The following SLC25A26 variants were observed in gnomAD, a reference collection of about 807,000 sequenced individuals.
SLC25A26 encodes mitochondrial S-adenosylmethionine carrier protein.
In SLC25A26, 36 loss-of-function variants were observed where a neutral mutation model predicts 37.8. The observed-to-expected ratio is 0.95, with a 90% CI of 0.73 to 1.26. SLC25A26 has a LOEUF of 1.26. Among genes scored for constraint, SLC25A26 ranks in the 50% most tolerant of loss-of-function variants. SLC25A26 has a pLI of 0.00. For synonymous variants in SLC25A26, 129 were observed against 122.5 expected (o/e 1.05, Z -0.35); for missense variants, 390 against 331.1 (o/e 1.18, Z -1.38).
chr3:66,285,480 A>G (rs6774128), intron 5 of SLC25A26, among the ~76,000 whole-genome samples: 2,026 of 63,862 alleles, frequency 0.032, 247 homozygotes, highest in African/African-American at 0.14. Context: ...AATACTAGGT[A>G]ATAAATTCTT....
chr3:66,214,135 T>C (rs1385906384), intron 1 of SLC25A26, among the ~76,000 whole-genome samples: 13 of 152,088 alleles, frequency 8.5e-5, no homozygotes, highest in African/African-American at 3.1e-4. Flanking sequence ...GTTTGGGTCA[T>C]GGGGGTGGAT....
intron 1 of SLC25A26, among the ~76,000 whole-genome samples, chr3:66,209,857 T>TAC (rs1190240720): frequency 7.6e-5 from 9 of 118,110 alleles, no homozygotes; most frequent in African/African-American, 1.3e-4. Flanking sequence ...GAGGTGTGTA[T>TAC]ACACACACAT....
At chr3:66,240,708 A>G (rs1273503806) in intron 2 of SLC25A26, among the ~76,000 whole-genome samples, 18 of 150,780 alleles carry the variant, frequency 1.2e-4, no homozygotes, top group Admixed American at 1.2e-3. Context: ...GTATCTAAAT[A>G]TATTTTATGT....
intron 5 of SLC25A26, among the ~76,000 whole-genome samples, chr3:66,299,600 C>G (rs894612882): frequency 2.0e-5 from 3 of 152,176 alleles, no homozygotes; most frequent in Non-Finnish European, 2.9e-5. Flanking sequence ...ATTATTGCTT[C>G]TTTCACTTTT....
intron 6 of SLC25A26, chr3:66,356,177 A>G (rs1467368350): frequency 2.3e-6 from 1 of 437,228 alleles, no homozygotes; most frequent in East Asian, 7.0e-5. Flanking sequence ...TTAAAAGTGA[A>G]AAACAAAGCC....
chr3:66,259,477 A>G (rs910381448), intron 3 of SLC25A26, among the ~76,000 whole-genome samples: 5 of 152,058 alleles, frequency 3.3e-5, no homozygotes, highest in African/African-American at 9.7e-5. Flanking sequence ...TCTTCCCTGG[A>G]CTGCTAATCT....
intron 5 of SLC25A26, among the ~76,000 whole-genome samples, chr3:66,318,663 T>G (rs1180168208): frequency 2.7e-5 from 4 of 145,756 alleles, no homozygotes; most frequent in African/African-American, 9.8e-5. Context: ...AAAAAAAATT[T>G]TTTTTTGTTT....
intron 3 of SLC25A26, among the ~76,000 whole-genome samples, chr3:66,253,944 G>A (rs148498942): frequency 1.1e-4 from 17 of 152,332 alleles, no homozygotes; most frequent in Middle Eastern, 3.4e-3. Context: ...TGAACAAATT[G>A]TAGACACAGG....
At chr3:66,275,381 C>A (rs1430349820) in intron 5 of SLC25A26, among the ~76,000 whole-genome samples, 1 of 151,746 alleles carries the variant, frequency 6.6e-6, no homozygotes, top group Non-Finnish European at 1.5e-5. Flanking sequence ...GCACATGTAC[C>A]CTAAAACTTA....
At chr3:66,291,101 T>C (rs34725717) in intron 5 of SLC25A26, among the ~76,000 whole-genome samples, 69,412 of 152,000 alleles carry the variant, frequency 0.46, 16,808 homozygotes, top group East Asian at 0.64. Context: ...TTTATTTGCA[T>C]AGAGGTGTTT....
upstream of SLC25A26, among the ~76,000 whole-genome samples, chr3:66,220,336 G>A (rs1219524985): frequency 2.0e-5 from 3 of 152,144 alleles, no homozygotes; most frequent in Non-Finnish European, 4.4e-5. Flanking sequence ...AAGTTTACAA[G>A]GTATTTGTTT....
chr3:66,261,730 G>T (rs1338354801), intron 3 of SLC25A26: 1 of 200,162 alleles, frequency 5.0e-6, no homozygotes, highest in East Asian at 1.6e-4. Flanking sequence ...TGTGCCAGTT[G>T]CAGTTCTGGG....
At chr3:66,220,728 T>C (rs946351535), upstream of SLC25A26, 2 of 347,298 alleles carry the variant, frequency 5.8e-6, no homozygotes, top group African/African-American at 2.2e-5. Context: ...GCCACGCCTC[T>C]TCTGGGTTTA....
chr3:66,302,333 A>G (rs2075099516), intron 5 of SLC25A26, among the ~76,000 whole-genome samples: 1 of 152,212 alleles, frequency 6.6e-6, no homozygotes, highest in South Asian at 2.1e-4. Context: ...CCAGTTATCC[A>G]AGTTTTCTTG....
At chr3:66,168,267 A>G (rs964559673) in intron 1 of SLC25A26, among the ~76,000 whole-genome samples, 4 of 151,590 alleles carry the variant, frequency 2.6e-5, no homozygotes, top group African/African-American at 9.7e-5. Flanking sequence ...ATTACTTTAT[A>G]GGAAGAATCT....
At chr3:66,249,772 C>T (rs782140446) in intron 3 of SLC25A26, among the ~76,000 whole-genome samples, 9 of 152,162 alleles carry the variant, frequency 5.9e-5, no homozygotes, top group Non-Finnish European at 1.2e-4. Flanking sequence ...AACATGGCTG[C>T]CCTGAGCCAC....
chr3:66,284,626 A>G (rs563219666), intron 5 of SLC25A26, among the ~76,000 whole-genome samples: 31 of 152,150 alleles, frequency 2.0e-4, no homozygotes, highest in Admixed American at 1.2e-3. Flanking sequence ...AATAATACAC[A>G]GTAGTGTAAA....
chr3:66,369,027 A>G (rs1390540126), intron 7 of SLC25A26, among the ~76,000 whole-genome samples: 1 of 69,996 alleles, frequency 1.4e-5, no homozygotes, highest in Non-Finnish European at 2.5e-5. Context: ...TGTCTTTTCA[A>G]AAAAAAAAAA....
chr3:66,334,539 C>A (rs2076051214), intron 5 of SLC25A26, among the ~76,000 whole-genome samples: 1 of 152,094 alleles, frequency 6.6e-6, no homozygotes, highest in East Asian at 1.9e-4. Flanking sequence ...TGGTCTCGAA[C>A]TTTTGGCCTT....
Sources: gnomAD v4.1 joint callset for allele counts (sites outside exome capture counted in the v4.1 genomes callset) on GRCh38, gnomAD v4.1.1 for gene constraint, MANE v1.5 for transcripts, NCBI Gene and HGNC (gene_info 2026-07-23, HGNC 2026-07-21) for gene names.